The following NUP210L variants were observed in gnomAD, a reference collection of about 807,000 sequenced individuals.
NUP210L encodes the protein nucleoporin 210 like.
A neutral mutation model predicts 208.5 loss-of-function variants in NUP210L; 74 were observed. The observed-to-expected ratio is 0.35, with a 90% confidence interval of 0.29 to 0.43. The LOEUF (loss-of-function observed/expected upper bound fraction) is 0.43. Among genes scored for constraint, NUP210L ranks in the 20% least tolerant of loss-of-function variants. The pLI is 1.00. For synonymous variants in NUP210L, 780 were observed against 816.9 expected, an observed-to-expected ratio of 0.95 and a Z score of 0.77; for missense variants, 1,843 against 2,289.4, an observed-to-expected ratio of 0.81 and a Z score of 3.98.
intron 21 of NUP210L, 66 bp from the exon 22 acceptor site, chr1:154,058,282 A>T: frequency 6.5e-7 from 1 of 1,544,824 alleles, no homozygotes; most frequent in Non-Finnish European, 8.9e-7. Flanking sequence ...TCTAACTCTT[A>T]GAGGGCAGTG....
intron 33 of NUP210L, among the ~76,000 whole-genome samples, chr1:154,014,726 G>A (rs1049640237): frequency 3.3e-5 from 5 of 152,154 alleles, no homozygotes; most frequent in South Asian, 2.1e-4. Flanking sequence ...AGTTGGGGCC[G>A]GGTGCAGTGA....
rs1571221744 is a variant in NUP210L, at chr1:154,057,005, G to A, written c.3108-58C>T. 8 of 1,560,498 alleles carry A rather than the reference G, an allele frequency of 5.1e-6. No homozygotes were observed. The East Asian group carries it at 9.1e-5, about 18-fold the overall frequency. On this transcript the variant is annotated intron_variant, in intron 22 of 39. Coordinates refer to ENST00000368559, the Ensembl canonical transcript of NUP210L. ...GATTTTTGTTTTGTTTCAAGACAGG[G>A]TCTTACTCTGTCGCCCAGGCTGGAG...
chr1:154,146,629 A>G (rs7540261), intron 2 of NUP210L, among the ~76,000 whole-genome samples: 3 of 78,080 alleles, frequency 3.8e-5, no homozygotes, highest in African/African-American at 9.6e-5. Flanking sequence ...TCCCCCCCCC[A>G]CCAAAAAAAG....
chr1:154,154,828 C>A lies in NUP210L; in HGVS notation c.203+14G>T. 1 of 1,606,788 alleles carries A rather than the reference C, an allele frequency of 6.2e-7. No individual in the cohort carries two copies. The highest frequency in any genetic ancestry group is 1.1e-5 in the South Asian group (1 of 90,930). ...TAGTGAGGGTGCATATCCTTGTCAC[C>A]CACCACCCCTCACCAAGTGTAGCAG... On this transcript the variant is annotated intron_variant, in intron 1 of 39. Coordinates refer to ENST00000368559, the Ensembl canonical transcript of NUP210L.
intron 12 of NUP210L, among the ~76,000 whole-genome samples, chr1:154,110,638 G>C (rs1656991180): frequency 6.6e-6 from 1 of 151,482 alleles, no homozygotes; most frequent in African/African-American, 2.4e-5. Flanking sequence ...CAATACTTTT[G>C]GAGGCTGAAG....
In NUP210L at chr1:154,141,465, C is replaced by T. The variant is rs1455333851; in HGVS notation, c.532G>A (p.Glu178Lys). 5 of 1,612,162 alleles carry T rather than the reference C, an allele frequency of 3.1e-6. No individual in the cohort carries two copies. Among genetic ancestry groups the T allele is most frequent in the Admixed American group, 3.3e-5 (2 of 59,990 alleles). ...CTAGACAGTTCTTCTCTTGCTGACT[C>T]GTTGTCCTGGGCAATGCTCCACTCA... Residue 178 changes from glutamate to lysine, a missense_variant, in exon 4 of 40, where the codon GAG becomes AAG. Physicochemically the swap from Glu to Lys is moderately conservative, Grantham distance 56. Coordinates refer to ENST00000368559, the Ensembl canonical transcript of NUP210L.
chr1:154,102,753 G>A (rs1162199167), intron 13 of NUP210L, among the ~76,000 whole-genome samples: 3 of 152,048 alleles, frequency 2.0e-5, no homozygotes, highest in African/African-American at 4.8e-5. Context: ...GATGTTGACC[G>A]TTATTCATAT....
At chr1:154,107,257 C>T (rs1027859639) in intron 12 of NUP210L, among the ~76,000 whole-genome samples, 2 of 151,870 alleles carry the variant, frequency 1.3e-5, no homozygotes, top group African/African-American at 2.4e-5. Flanking sequence ...AAGCAGATCA[C>T]GAGATCAGGA....
chr1:154,074,681 G>A (rs897263239), intron 16 of NUP210L, among the ~76,000 whole-genome samples: 4 of 152,158 alleles, frequency 2.6e-5, no homozygotes, highest in East Asian at 1.9e-4. Flanking sequence ...TAGTAGAGAC[G>A]GGGTTTCACT....
intron 16 of NUP210L, among the ~76,000 whole-genome samples, chr1:154,074,617 T>C (rs925812272): frequency 2.0e-5 from 3 of 151,644 alleles, no homozygotes; most frequent in African/African-American, 7.3e-5. Context: ...GCCTCCCTAG[T>C]AGCTGGGACT....
rs34453410 is a variant in NUP210L at position 154,043,021 on chromosome 1, C to CT, written c.3696+3047dup. Among the ~76,000 whole-genome samples, 960 of 126,818 alleles carry CT rather than the reference C, an allele frequency of 7.6e-3. 4 individuals carry two copies. Among genetic ancestry groups the CT allele is most frequent in the Middle Eastern group, 0.013 (3 of 232 alleles). The allele number at this position is 126,818 out of a possible 152,430, so 83.2% of individuals were successfully genotyped here. ...GCCACCACACCCAGCCCATTAAGAC[C>CT]TTTTTTTTTTTTTTTTGAGACAGGG... On this transcript the variant is annotated intron_variant, in intron 27 of 39. Transcript: ENST00000368559.
chr1:154,034,247 G>T (rs914095360), intron 27 of NUP210L, among the ~76,000 whole-genome samples: 13 of 152,114 alleles, frequency 8.5e-5, no homozygotes, highest in Non-Finnish European at 1.8e-4. Flanking sequence ...AATAGTTTGA[G>T]TAGGATTGGT....
chr1:154,072,490 G>A (rs766288213), intron 16 of NUP210L, among the ~76,000 whole-genome samples: 7 of 151,742 alleles, frequency 4.6e-5, no homozygotes, highest in Non-Finnish European at 8.8e-5. Context: ...CTGCCACCAC[G>A]ACCGGCTAAT....
At chr1:154,049,986 A>G (rs1471044293) in intron 25 of NUP210L, among the ~76,000 whole-genome samples, 4 of 152,104 alleles carry the variant, frequency 2.6e-5, no homozygotes, top group Non-Finnish European at 5.9e-5. Context: ...CTCATAAAAA[A>G]TTTTCACAGT....
intron 28 of NUP210L, 115 bp downstream of exon 28, chr1:154,029,781 G>T: frequency 1.3e-6 from 1 of 757,198 alleles, no homozygotes; most frequent in Non-Finnish European, 2.1e-6. Context: ...CCTGTTCCAG[G>T]AATCGCTCTA....
At chr1:154,134,415 C>T (rs1658413828) in intron 7 of NUP210L, among the ~76,000 whole-genome samples, 1 of 146,872 alleles carries the variant, frequency 6.8e-6, no homozygotes, top group Non-Finnish European at 1.5e-5. Flanking sequence ...TTACAGATCT[C>T]CGTGTACCTT....
chr1:154,127,925 G>A (rs2148119762), intron 8 of NUP210L, among the ~76,000 whole-genome samples: 1 of 152,034 alleles, frequency 6.6e-6, no homozygotes, highest in South Asian at 2.1e-4. Flanking sequence ...GTGCAGTGGT[G>A]TCATCATGAC....
chr1:154,127,353 T>C (rs777873352), exon 9 of NUP210L: 1 of 1,605,958 alleles, frequency 6.2e-7, no homozygotes, highest in Non-Finnish European at 8.5e-7. Flanking sequence ...CAAAGACGTC[T>C]ACTGTAATGA....
intron 33 of NUP210L, among the ~76,000 whole-genome samples, chr1:154,016,452 A>G (rs1651253243): frequency 6.6e-6 from 1 of 152,022 alleles, no homozygotes; most frequent in African/African-American, 2.4e-5. Flanking sequence ...TATCTCACCT[A>G]CTCAAGAATA....
Sources: gnomAD v4.1 joint callset for allele counts (sites outside exome capture counted in the v4.1 genomes callset) on GRCh38, gnomAD v4.1.1 for gene constraint, MANE v1.5 for transcripts, NCBI Gene and HGNC (gene_info 2026-07-23, HGNC 2026-07-21) for gene names.